The following FYB1 variants were observed in gnomAD, a reference collection of about 807,000 sequenced individuals.
The protein encoded by FYB1 is FYN binding protein 1.
In FYB1, 41 loss-of-function variants were observed where a neutral mutation model predicts 94.1. That is an observed-to-expected ratio of 0.44 (90% CI 0.34 to 0.57). The LOEUF (loss-of-function observed/expected upper bound fraction) is 0.57, where lower values mean the gene tolerates loss of function less well. Ranked by LOEUF, FYB1 falls within the 20% of genes least tolerant of loss-of-function variation. The probability of loss-of-function intolerance (pLI) is 0.02; values close to 1 mark genes in which losing one functional copy is unlikely to be tolerated. For synonymous variants in FYB1, 367 were observed against 353.2 expected (o/e 1.04, Z -0.44); for missense variants, 1,050 against 976.8 (o/e 1.07, Z -1.00).
intron 1 of FYB1, among the ~76,000 whole-genome samples, chr5:39,253,778 A>G (rs1405276224): frequency 1.3e-5 from 2 of 152,154 alleles, no homozygotes; most frequent in African/African-American, 4.8e-5. Context: ...TGAACAGATT[A>G]TTTCATCACC....
intron 9 of FYB1, among the ~76,000 whole-genome samples, chr5:39,133,194 C>A (rs181903587): frequency 6.6e-6 from 1 of 152,280 alleles, no homozygotes; most frequent in East Asian, 1.9e-4. Context: ...AAATGGCTGA[C>A]AATGAAGATT....
At chr5:39,252,111 C>T (rs949606854) in intron 1 of FYB1, among the ~76,000 whole-genome samples, 1 of 152,022 alleles carries the variant, frequency 6.6e-6, no homozygotes, top group South Asian at 2.1e-4. Context: ...CGCCACTGGA[C>T]TCCAGCCTGA....
chr5:39,197,544 G>C (rs1747939756), intron 2 of FYB1, among the ~76,000 whole-genome samples: 1 of 152,208 alleles, frequency 6.6e-6, no homozygotes, highest in South Asian at 2.1e-4. Flanking sequence ...TCATAATCCA[G>C]AGCAAATCCA....
intron 1 of FYB1, among the ~76,000 whole-genome samples, chr5:39,252,627 T>C (rs908690351): frequency 1.3e-5 from 2 of 152,184 alleles, no homozygotes; most frequent in Non-Finnish European, 2.9e-5. Flanking sequence ...GTAACACACA[T>C]ACAGAGAGAG....
At chr5:39,145,041 G>T (rs974566424) in intron 3 of FYB1, among the ~76,000 whole-genome samples, 1 of 152,080 alleles carries the variant, frequency 6.6e-6, no homozygotes, top group African/African-American at 2.4e-5. Flanking sequence ...AATAATATAA[G>T]AGGCAAGTGG....
chr5:39,187,424 A>G (rs888467701), intron 2 of FYB1, among the ~76,000 whole-genome samples: 2 of 152,218 alleles, frequency 1.3e-5, no homozygotes, highest in African/African-American at 2.4e-5. Flanking sequence ...AGTACCGTAT[A>G]AGCCTATTTT....
chr5:39,138,672 T>C lies in FYB1; in HGVS notation c.1379A>G (p.Glu460Gly). The change falls in exon 6 of 19, where the codon GAA becomes GGA. Residue 460 changes from glutamate (E) to glycine (G), a missense_variant. Physicochemically the swap from Glu to Gly is moderately conservative, Grantham distance 98. Coordinates refer to ENST00000512982, the MANE Select transcript of FYB1 (RefSeq NM_001465.6). Reference sequence around the variant, plus strand: ...TAATTCATACATGTCTTCATATGTTTCTCCTTCACTGTCTTGTTCCTGTAA... The same window carrying C: ...TAATTCATACATGTCTTCATATGTTCCTCCTTCACTGTCTTGTTCCTGTAA... Reference protein sequence around the residue: ...NLDEEQDSEGETYEDIEASKE... With the variant: ...NLDEEQDSEGGTYEDIEASKE... 1 of 1,524,980 alleles carries C rather than the reference T, an allele frequency of 6.6e-7. No homozygotes were observed. 94.5% of individuals were successfully genotyped at this position (1,524,980 alleles called of 1,614,324 possible).
intron 1 of FYB1, among the ~76,000 whole-genome samples, chr5:39,204,598 T>A (rs905305408): frequency 6.6e-6 from 1 of 152,122 alleles, no homozygotes; most frequent in South Asian, 2.1e-4. Flanking sequence ...GGCTCTGAAG[T>A]CCAGAAAATG....
chr5:39,121,469 C>T (rs747002588), intron 14 of FYB1, among the ~76,000 whole-genome samples: 34 of 152,034 alleles, frequency 2.2e-4, no homozygotes, highest in Non-Finnish European at 3.7e-4. Context: ...AAATACTTAG[C>T]GTTTACTCAT....
rs754651925 is a variant in FYB1, at chr5:39,202,789, C to A, written c.172G>T (p.Gly58Trp). Residue 58 changes from glycine (G) to tryptophan (W), a missense_variant, in exon 2 of 19, where the codon GGG becomes TGG. Physicochemically the swap from Gly to Trp is radical, Grantham distance 184. Transcript: ENST00000512982. ...ACTGCCACAGGTGGCTTTGGGGACC[C>A]AAACTTAGGTACATTGCTGGGTCCT... is the stretch of plus-strand genomic sequence containing the variant. Reference protein sequence around the residue: ...PAGPSNVPKFGSPKPPVAVKP... With the variant: ...PAGPSNVPKFWSPKPPVAVKP... 1.9e-6 allele frequency: 3 copies of A among 1,613,904 alleles called. No homozygotes were observed. Among genetic ancestry groups the A allele is most frequent in the East Asian group, 2.2e-5 (1 of 44,868 alleles).
chr5:39,227,959 G>T (rs1298530337), intron 1 of FYB1, among the ~76,000 whole-genome samples: 1 of 152,130 alleles, frequency 6.6e-6, no homozygotes, highest in Non-Finnish European at 1.5e-5. Context: ...GGGCCAACTG[G>T]GAACTGGGAA....
Position 39,183,849 on chromosome 5 carries a change from G to C in FYB1, c.1135+17977C>G, listed in dbSNP as rs377388945. Among the ~76,000 whole-genome samples, 13 of 152,272 alleles carry C rather than the reference G, an allele frequency of 8.5e-5. 1 individual carries two copies. The South Asian group carries it at 2.7e-3, about 32-fold the overall frequency. On this transcript the variant is annotated intron_variant, in intron 2 of 18. Transcript: ENST00000512982. ...AGCAAGATGTTCTGATTCAGGAAGG[G>C]GGCTATGGTGGTGGTGGAATAAGGG...
chr5:39,127,440 G>A (rs559490550), intron 11 of FYB1, among the ~76,000 whole-genome samples: 1 of 122,568 alleles, frequency 8.2e-6, no homozygotes, highest in African/African-American at 3.4e-5. Context: ...GACAGAGTGA[G>A]ACTCTGTCTC....
At chr5:39,227,688 C>T (rs1750541865) in intron 1 of FYB1, among the ~76,000 whole-genome samples, 1 of 152,202 alleles carries the variant, frequency 6.6e-6, no homozygotes, top group Non-Finnish European at 1.5e-5. Flanking sequence ...TGCTGGAGCT[C>T]TGAAAAGCCT....
intron 2 of FYB1, among the ~76,000 whole-genome samples, chr5:39,160,172 T>C (rs553558459): frequency 6.6e-6 from 1 of 152,344 alleles, no homozygotes; most frequent in Admixed American, 6.5e-5. Context: ...GTTAAGTTGC[T>C]TGACATCTCC....
At chr5:39,131,832 T>C (rs911675204) in intron 9 of FYB1, among the ~76,000 whole-genome samples, 1 of 152,180 alleles carries the variant, frequency 6.6e-6, no homozygotes, top group Admixed American at 6.6e-5. Context: ...ACAGGGTTGT[T>C]GGAATAAGGA....
At chr5:39,124,180 T>A in intron 13 of FYB1, 73 bp downstream of exon 13, 1 of 990,806 alleles carries the variant, frequency 1.0e-6, no homozygotes, top group South Asian at 1.6e-5. Flanking sequence ...GCAGATACTA[T>A]ATCCAGAGCT....
chr5:39,144,394 A>T (rs1200225234), intron 3 of FYB1, among the ~76,000 whole-genome samples: 1 of 152,244 alleles, frequency 6.6e-6, no homozygotes, highest in African/African-American at 2.4e-5. Flanking sequence ...TATAGAGAGC[A>T]ATCAGCAAAA....
chr5:39,230,335 G>A (rs1335717829), intron 1 of FYB1, among the ~76,000 whole-genome samples: 1 of 152,110 alleles, frequency 6.6e-6, no homozygotes, highest in Non-Finnish European at 1.5e-5. Context: ...ATAAGGCCAT[G>A]AGCCGAGGAA....
Sources: allele counts gnomAD v4.1 joint callset (sites outside exome capture counted in the v4.1 genomes callset), GRCh38; gene constraint gnomAD v4.1.1; transcripts MANE v1.5; gene names NCBI Gene and HGNC (gene_info 2026-07-23, HGNC 2026-07-21).